The following PEBP4 variants were observed in gnomAD, a reference collection of about 807,000 sequenced individuals.
PEBP4 encodes phosphatidylethanolamine-binding protein 4.
PEBP4 carries 22 observed loss-of-function variants against 23.9 expected under a neutral mutation model. That is an observed-to-expected ratio of 0.92 (90% confidence interval 0.66 to 1.31). The LOEUF is 1.31. Ranked by LOEUF, PEBP4 falls within the 40% of genes most tolerant of loss-of-function variation. The probability of loss-of-function intolerance (pLI) is 0.00; values close to 1 mark genes in which losing one functional copy is unlikely to be tolerated. For synonymous variants in PEBP4, 112 were observed against 99.3 expected, an observed-to-expected ratio of 1.13 and a Z score of -0.76; for missense variants, 324 against 281.7, an observed-to-expected ratio of 1.15 and a Z score of -1.07.
intron 3 of PEBP4, among the ~76,000 whole-genome samples, chr8:22,918,934 T>C (rs985532347): frequency 6.6e-6 from 1 of 151,504 alleles, no homozygotes; most frequent in Non-Finnish European, 1.5e-5. Flanking sequence ...TGTGTGCACA[T>C]GTGCACACAT....
chr8:22,924,539 C>G, intron 2 of PEBP4: 2 of 476,110 alleles, frequency 4.2e-6, no homozygotes, highest in Non-Finnish European at 5.5e-6. Context: ...GTTTGTGCAC[C>G]TCGTGGATCC....
chr8:22,916,359 G>A (rs972519900), intron 3 of PEBP4, among the ~76,000 whole-genome samples: 5 of 152,156 alleles, frequency 3.3e-5, no homozygotes, highest in Admixed American at 6.5e-5. Context: ...GGGGAGAAAC[G>A]CTTCCTCTTA....
intron 3 of PEBP4, among the ~76,000 whole-genome samples, chr8:22,830,937 A>C (rs114358969): frequency 0.015 from 2,287 of 152,340 alleles, 56 homozygotes; most frequent in African/African-American, 0.053. Flanking sequence ...CTGCTGCTTA[A>C]AATCCTTCTC....
At chr8:22,826,586 A>T (rs193284244) in intron 3 of PEBP4, among the ~76,000 whole-genome samples, 1 of 152,236 alleles carries the variant, frequency 6.6e-6, no homozygotes, top group Non-Finnish European at 1.5e-5. Flanking sequence ...AAAAAAAACC[A>T]TGAGGATCTC....
intron 6 of PEBP4, among the ~76,000 whole-genome samples, chr8:22,717,894 C>T (rs971361888): frequency 2.0e-5 from 3 of 152,074 alleles, no homozygotes; most frequent in African/African-American, 2.4e-5. Context: ...GTCACGGGAC[C>T]GGCCACATTG....
At chr8:22,851,544 C>T (rs1343654989) in intron 3 of PEBP4, among the ~76,000 whole-genome samples, 1 of 152,114 alleles carries the variant, frequency 6.6e-6, no homozygotes, top group Non-Finnish European at 1.5e-5. Flanking sequence ...TTGCCCAAGA[C>T]CACACAGGAA....
intron 4 of PEBP4, among the ~76,000 whole-genome samples, chr8:22,736,240 G>A (rs567440507): frequency 7.9e-5 from 12 of 152,244 alleles, no homozygotes; most frequent in African/African-American, 2.9e-4. Context: ...ATGGGGTTCC[G>A]GGGTGGGGTT....
At chr8:22,879,981 G>A (rs1219277067) in intron 3 of PEBP4, among the ~76,000 whole-genome samples, 5 of 152,296 alleles carry the variant, frequency 3.3e-5, no homozygotes, top group East Asian at 1.9e-4. Context: ...GGTTGTCTCC[G>A]CAGATGAAAA....
intron 4 of PEBP4, among the ~76,000 whole-genome samples, chr8:22,774,019 T>G (rs902510105): frequency 2.0e-5 from 3 of 152,136 alleles, no homozygotes; most frequent in African/African-American, 7.2e-5. Flanking sequence ...ACCTCCGAGA[T>G]ACTCAGGTCT....
intron 4 of PEBP4, among the ~76,000 whole-genome samples, chr8:22,795,413 G>A (rs1030640359): frequency 1.3e-5 from 2 of 151,748 alleles, no homozygotes; most frequent in Non-Finnish European, 2.9e-5. Flanking sequence ...CTGACCTTGT[G>A]ATCCGCCTGC....
chr8:22,883,564 G>A (rs561035383), intron 3 of PEBP4, among the ~76,000 whole-genome samples: 28 of 151,994 alleles, frequency 1.8e-4, no homozygotes, highest in African/African-American at 6.3e-4. Context: ...TCCTTCGACA[G>A]AAAAATTTGC....
intron 3 of PEBP4, among the ~76,000 whole-genome samples, chr8:22,838,759 C>A (rs186203708): frequency 8.9e-4 from 136 of 152,386 alleles, no homozygotes; most frequent in African/African-American, 3.1e-3. Flanking sequence ...CCGCCGCAGT[C>A]GCCAGGGCCC....
At chr8:22,908,223 G>A (rs1009196361) in intron 3 of PEBP4, among the ~76,000 whole-genome samples, 1 of 152,068 alleles carries the variant, frequency 6.6e-6, no homozygotes, top group Non-Finnish European at 1.5e-5. Flanking sequence ...TTGTTATGTG[G>A]ATGAAATTTA....
intron 1 of PEBP4, among the ~76,000 whole-genome samples, chr8:22,938,945 G>A (rs1337171348): frequency 5.3e-5 from 8 of 152,182 alleles, no homozygotes; most frequent in African/African-American, 1.7e-4. Flanking sequence ...CTGACCTTTG[G>A]TTGTCCTACT....
intron 3 of PEBP4, among the ~76,000 whole-genome samples, chr8:22,917,883 T>A (rs1286231148): frequency 6.6e-6 from 1 of 152,178 alleles, no homozygotes; most frequent in African/African-American, 2.4e-5. Context: ...GTTGGGGCCA[T>A]CTTTGTCACA....
rs1487939302 is a variant in PEBP4 at position 22,936,011 on chromosome 8, A to G, written c.145-8291T>C. Among the ~76,000 whole-genome samples the G allele has an allele frequency of 4.0e-5, 6 of 148,150 alleles. No individual in the cohort carries two copies. In the South Asian group the frequency reaches 1.1e-3, roughly 27 times the overall value. ...AACAACCTAAATTTACACCTTAAGG[A>G]GCTAGGGAAAAAAAAAAAAAAGAAC... On this transcript the variant is annotated intron_variant, in intron 1 of 1. Transcript: ENST00000522278.
chr8:22,910,699 A>G (rs377526384), intron 3 of PEBP4, among the ~76,000 whole-genome samples: 3 of 152,378 alleles, frequency 2.0e-5, no homozygotes, highest in East Asian at 3.9e-4. Flanking sequence ...TAGGCTCTCT[A>G]TTAATTTGAA....
intron 4 of PEBP4, among the ~76,000 whole-genome samples, chr8:22,751,046 C>A (rs1805244790): frequency 6.6e-6 from 1 of 152,208 alleles, no homozygotes; most frequent in South Asian, 2.1e-4. Context: ...GACGCCCACG[C>A]AGCGGGCAGA....
At chr8:22,729,456 TG>T (rs1475326620) in intron 4 of PEBP4, among the ~76,000 whole-genome samples, 1 of 151,968 alleles carries the variant, frequency 6.6e-6, no homozygotes, top group East Asian at 1.9e-4. Context: ...CAGGCAAGGG[TG>T]GGGGCCAGGG....
Sources: gnomAD v4.1 joint callset for allele counts (sites outside exome capture counted in the v4.1 genomes callset) on GRCh38, gnomAD v4.1.1 for gene constraint, MANE v1.5 for transcripts, NCBI Gene and HGNC (gene_info 2026-07-23, HGNC 2026-07-21) for gene names.